The following CAV1 variants were observed in gnomAD, a reference collection of about 807,000 sequenced individuals.
The protein encoded by CAV1 is caveolin 1.
Under a neutral mutation model 16.5 loss-of-function variants are expected in CAV1, and 10 were observed. The observed-to-expected ratio is 0.61, with a 90% CI of 0.37 to 1.03. The LOEUF is 1.03. Among genes scored for constraint, CAV1 ranks in the 50% least tolerant of loss-of-function variants. CAV1 has a pLI of 0.01. For synonymous variants in CAV1, 76 were observed against 85.1 expected, an observed-to-expected ratio of 0.89 and a Z score of 0.59; for missense variants, 212 against 232.8, an observed-to-expected ratio of 0.91 and a Z score of 0.58.
At chr7:116,526,500 G>T in intron 1 of CAV1, 25 bp from the exon 2 acceptor site, 1 of 1,613,374 alleles carries the variant, frequency 6.2e-7, no homozygotes. Context: ...CCCCGTCCTG[G>T]CCGTCCGCCC....
At chr7:116,536,440 A>G (rs1212038015) in intron 2 of CAV1, among the ~76,000 whole-genome samples, 1 of 152,204 alleles carries the variant, frequency 6.6e-6, no homozygotes, top group Non-Finnish European at 1.5e-5. Flanking sequence ...TAATCAAAGG[A>G]CAGGCCACAG....
At chr7:116,547,408 G>A (rs1794073179) in intron 2 of CAV1, among the ~76,000 whole-genome samples, 1 of 152,158 alleles carries the variant, frequency 6.6e-6, no homozygotes, top group Non-Finnish European at 1.5e-5. Flanking sequence ...CAAACAAAAG[G>A]AAAGGAGGAA....
At chr7:116,552,933 T>C (rs1794193066) in intron 2 of CAV1, among the ~76,000 whole-genome samples, 1 of 152,214 alleles carries the variant, frequency 6.6e-6, no homozygotes. Context: ...GGCAGAGAAG[T>C]GGGACTGTAA....
chr7:116,557,991 A>G (rs1794326610), intron 2 of CAV1, among the ~76,000 whole-genome samples: 2 of 152,012 alleles, frequency 1.3e-5, no homozygotes. Context: ...ACTTACTATG[A>G]CACCCTTGCT....
chr7:116,526,875 A>C, intron 2 of CAV1, 186 bp downstream of exon 2: 1 of 656,086 alleles, frequency 1.5e-6, no homozygotes, highest in Non-Finnish European at 2.7e-6. Flanking sequence ...GAAACGTTAC[A>C]TCTCCCTTCC....
At chr7:116,530,649 G>C (rs1329898443) in intron 2 of CAV1, among the ~76,000 whole-genome samples, 1 of 152,124 alleles carries the variant, frequency 6.6e-6, no homozygotes, top group East Asian at 1.9e-4. Context: ...CATTCTAAAC[G>C]AGCCAGGCAT....
chr7:116,533,339 AAAATAAAAT>A (rs201394751), intron 2 of CAV1, among the ~76,000 whole-genome samples: 1 of 39,400 alleles, frequency 2.5e-5, no homozygotes, highest in South Asian at 1.3e-3. Context: ...TCCGTCTCAA[AAAATAAAAT>A]AAATAAAATA....
Position 116,539,957 on chromosome 7 carries a change from C to T in CAV1, c.195+13268C>T, listed in dbSNP as rs144580499. 9.6e-4 allele frequency among the ~76,000 whole-genome samples: 146 copies of T among 152,252 alleles called. 1 individual carries two copies. The East Asian group carries it at 0.013, about 14-fold the overall frequency. ...GCCTGTTGAACCCCCCATCTATCCC[C>T]GCACTATGGCAAGATTGAGAGGAAT... On this transcript the variant is annotated intron_variant, in intron 2 of 2. Transcript: ENST00000341049.
At chr7:116,526,967 C>G in intron 2 of CAV1, 1 of 491,886 alleles carries the variant, frequency 2.0e-6, no homozygotes, top group Non-Finnish European at 3.7e-6. Context: ...CACTTTTATC[C>G]TAGCAAATGA....
chr7:116,527,940 A>C (rs561012775), intron 2 of CAV1, among the ~76,000 whole-genome samples: 1 of 152,328 alleles, frequency 6.6e-6, no homozygotes, highest in South Asian at 2.1e-4. Context: ...GAGCATTTGC[A>C]GCTTTTTTTG....
At chr7:116,533,221 C>A (rs1317259696) in intron 2 of CAV1, among the ~76,000 whole-genome samples, 1 of 151,826 alleles carries the variant, frequency 6.6e-6, no homozygotes, top group African/African-American at 2.4e-5. Flanking sequence ...GTGTTTAATC[C>A]CAGCTACTGG....
intron 2 of CAV1, among the ~76,000 whole-genome samples, chr7:116,555,896 T>C (rs1344968059): frequency 6.6e-6 from 1 of 152,222 alleles, no homozygotes; most frequent in Non-Finnish European, 1.5e-5. Context: ...CCTGCCTTGC[T>C]TCCTTTTTCA....
At chr7:116,547,340 G>A (rs1794072048) in intron 2 of CAV1, among the ~76,000 whole-genome samples, 1 of 152,106 alleles carries the variant, frequency 6.6e-6, no homozygotes, top group Non-Finnish European at 1.5e-5. Flanking sequence ...AAAACCCCAG[G>A]AAAACTCATA....
rs1210085978 is a variant in CAV1 at position 116,560,463 on chromosome 7, G to GCAAC, written c.*1178_*1181dup. ...CTGACCCCTGCTCAGTAAAGCACTT[G>GCAAC]CAACCGTCTGTTATGCTGTGACACA... is the stretch of plus-strand genomic sequence containing the variant. On this transcript the variant is annotated 3_prime_UTR_variant, in exon 3 of 3. Coordinates refer to ENST00000341049, the MANE Select transcript of CAV1 (RefSeq NM_001753.5). 1.3e-5 allele frequency: 2 copies of GCAAC among 152,166 alleles called. No individual in the cohort carries two copies. The highest frequency in any genetic ancestry group is 4.8e-5 in the African/African-American group (2 of 41,430). 9.4% of individuals were successfully genotyped at this position (152,166 alleles called of 1,614,324 possible). A position where few individuals can be genotyped will look rare whatever the true frequency, so the allele number is the denominator to read the frequency against.
intron 1 of CAV1, 139 bp from the exon 2 acceptor site, chr7:116,526,386 G>A: frequency 6.5e-7 from 1 of 1,530,850 alleles, no homozygotes; most frequent in Non-Finnish European, 8.7e-7. Context: ...AGCTGTCGGA[G>A]CGGTTAGTTC....
intron 2 of CAV1, among the ~76,000 whole-genome samples, chr7:116,546,502 C>T (rs1794049031): frequency 6.6e-6 from 1 of 150,616 alleles, no homozygotes; most frequent in African/African-American, 2.5e-5. Flanking sequence ...CCAGCCTCGC[C>T]AACATGGTGA....
At chr7:116,534,386 TATATATA>T (rs1793758479) in intron 2 of CAV1, among the ~76,000 whole-genome samples, 4 of 14,424 alleles carry the variant, frequency 2.8e-4, no homozygotes, top group African/African-American at 1.0e-3. Context: ...TATATATATA[TATATATA>T]TATTTTTTTT....
At chr7:116,526,289 C>G (rs1445300181) in intron 1 of CAV1, 1 of 1,319,180 alleles carries the variant, frequency 7.6e-7, no homozygotes, top group East Asian at 3.4e-5. Flanking sequence ...CAGGCGCGCC[C>G]TGCAGAGTAC....
intron 2 of CAV1, among the ~76,000 whole-genome samples, chr7:116,528,681 A>G (rs893238393): frequency 2.6e-5 from 4 of 152,182 alleles, no homozygotes; most frequent in Non-Finnish European, 5.9e-5. Flanking sequence ...GGAGACTCCT[A>G]TTTTATAAAT....
Sources: gnomAD v4.1 joint callset for allele counts (sites outside exome capture counted in the v4.1 genomes callset) on GRCh38, gnomAD v4.1.1 for gene constraint, MANE v1.5 for transcripts, NCBI Gene and HGNC (gene_info 2026-07-23, HGNC 2026-07-21) for gene names.